Variants in DAPK2 observed in about 807,000 individuals in gnomAD.
DAPK2 encodes the protein death associated protein kinase 2.
DAPK2 carries 35 observed loss-of-function variants against 44.1 expected under a neutral mutation model. The observed-to-expected ratio is 0.79, with a 90% confidence interval of 0.61 to 1.05. The LOEUF (loss-of-function observed/expected upper bound fraction) is 1.05, where lower values mean the gene tolerates loss of function less well. Ranked by LOEUF, DAPK2 falls within the 50% of genes least tolerant of loss-of-function variation. The probability of loss-of-function intolerance (pLI) is 0.00; values close to 1 mark genes in which losing one functional copy is unlikely to be tolerated. For synonymous variants in DAPK2, 174 were observed against 182.6 expected (o/e 0.95, Z 0.38); for missense variants, 453 against 483.2 (o/e 0.94, Z 0.59).
chr15:63,986,481 G>A (rs1421236732), intron 1 of DAPK2, among the ~76,000 whole-genome samples: 1 of 152,146 alleles, frequency 6.6e-6, no homozygotes, highest in Non-Finnish European at 1.5e-5. Context: ...CTGGAGGGCA[G>A]TGGTGTGATC....
At chr15:63,961,568 T>C (rs1295544397) in intron 3 of DAPK2, among the ~76,000 whole-genome samples, 1 of 152,230 alleles carries the variant, frequency 6.6e-6, no homozygotes, top group Non-Finnish European at 1.5e-5. Flanking sequence ...CATTTGTTTG[T>C]CTGTAAAGGA....
chr15:63,958,289 C>T (rs1021896873), intron 3 of DAPK2, among the ~76,000 whole-genome samples: 2 of 149,838 alleles, frequency 1.3e-5, no homozygotes, highest in African/African-American at 4.9e-5. Context: ...AAAATTTTCT[C>T]CCATTCTGCA....
chr15:63,992,414 C>T (rs2078844171), intron 1 of DAPK2, among the ~76,000 whole-genome samples: 1 of 152,244 alleles, frequency 6.6e-6, no homozygotes, highest in African/African-American at 2.4e-5. Context: ...TGTCCACTCA[C>T]CTATCCATCT....
chr15:63,941,752 C>T (rs539172321), intron 3 of DAPK2, among the ~76,000 whole-genome samples: 29 of 152,222 alleles, frequency 1.9e-4, no homozygotes, highest in Admixed American at 3.3e-4. Flanking sequence ...CCCAAGGCAC[C>T]GCAAATTTCC....
rs775441997 is a variant in DAPK2, at chr15:63,929,531, C to G, written c.659+20G>C. On this transcript the variant is annotated intron_variant, in intron 6 of 10. Coordinates refer to ENST00000261891, the Ensembl canonical transcript of DAPK2. ...CCCAGATCTAAGCTGAGCCAGAGCCCCTGGATCAGGGATACTCACAGGATG... is the reference window on the plus strand; with the variant it reads ...CCCAGATCTAAGCTGAGCCAGAGCCGCTGGATCAGGGATACTCACAGGATG... The G allele has an allele frequency of 1.1e-5, 18 of 1,613,600 alleles. No homozygotes were observed. The South Asian group carries it at 1.6e-4, about 15-fold the overall frequency.
chr15:64,010,467 G>T (rs2079360436), intron 1 of DAPK2, among the ~76,000 whole-genome samples: 1 of 152,174 alleles, frequency 6.6e-6, no homozygotes. Flanking sequence ...TATCAGCATA[G>T]GTATAGGCAT....
At chr15:63,922,623 T>C (rs1016207973) in intron 8 of DAPK2, 2 of 1,431,508 alleles carry the variant, frequency 1.4e-6, no homozygotes, top group Middle Eastern at 2.6e-4. Context: ...TGGAAGGCTA[T>C]ACTACAGACA....
At chr15:63,915,736 C>A (rs566450305) in intron 8 of DAPK2, among the ~76,000 whole-genome samples, 16 of 152,336 alleles carry the variant, frequency 1.1e-4, no homozygotes, top group African/African-American at 3.6e-4. Context: ...TAGCTACACA[C>A]AACACCACCA....
chr15:64,018,861 T>C (rs188821130), intron 1 of DAPK2, among the ~76,000 whole-genome samples: 2 of 152,326 alleles, frequency 1.3e-5, no homozygotes, highest in East Asian at 3.9e-4. Flanking sequence ...CCTAGCATGG[T>C]AGAAAGAGCA....
At chr15:63,962,402 G>A (rs1217403471) in intron 3 of DAPK2, among the ~76,000 whole-genome samples, 16 of 152,204 alleles carry the variant, frequency 1.1e-4, no homozygotes, top group African/African-American at 3.4e-4. Context: ...GAGGAGCTGC[G>A]TTCCTTTGGA....
At chr15:63,946,898 A>C (rs1181491266) in intron 3 of DAPK2, among the ~76,000 whole-genome samples, 1 of 152,164 alleles carries the variant, frequency 6.6e-6, no homozygotes, top group Non-Finnish European at 1.5e-5. Flanking sequence ...CAACCTGAGA[A>C]AGGAAGGCCG....
intron 3 of DAPK2, among the ~76,000 whole-genome samples, chr15:63,958,790 T>C (rs1291873843): frequency 6.6e-6 from 1 of 152,256 alleles, no homozygotes; most frequent in African/African-American, 2.4e-5. Flanking sequence ...GGTAGCATGA[T>C]GCCTCCAGCT....
At chr15:63,930,120 G>A (rs747022758) in intron 5 of DAPK2, among the ~76,000 whole-genome samples, 3 of 152,272 alleles carry the variant, frequency 2.0e-5, no homozygotes, top group Middle Eastern at 3.4e-3. Context: ...CCCAGCTGGG[G>A]CAGGCCCACG....
At chr15:63,952,583 A>G (rs1226910094) in intron 3 of DAPK2, among the ~76,000 whole-genome samples, 1 of 152,138 alleles carries the variant, frequency 6.6e-6, no homozygotes, top group Non-Finnish European at 1.5e-5. Flanking sequence ...GAGTGGGTTC[A>G]TTCACCCTAT....
chr15:64,001,436 C>A (rs906695290), intron 1 of DAPK2, among the ~76,000 whole-genome samples: 3 of 152,164 alleles, frequency 2.0e-5, no homozygotes, highest in Non-Finnish European at 4.4e-5. Flanking sequence ...TACATTTTCT[C>A]TCTCCAAAAT....
chr15:63,959,566 G>C (rs536654225), intron 3 of DAPK2, among the ~76,000 whole-genome samples: 1 of 152,152 alleles, frequency 6.6e-6, no homozygotes, highest in African/African-American at 2.4e-5. Context: ...TAGCATGAAG[G>C]GCTGTTGAAT....
exon 11 of DAPK2, chr15:63,907,307 C>A (rs2078686170): frequency 6.6e-6 from 1 of 152,112 alleles, no homozygotes; most frequent in Non-Finnish European, 1.5e-5. Flanking sequence ...CAGTGATATT[C>A]TGTGGTACCA....
chr15:63,969,376 C>T (rs968289350), intron 3 of DAPK2, among the ~76,000 whole-genome samples: 59 of 152,094 alleles, frequency 3.9e-4, no homozygotes, highest in African/African-American at 1.4e-3. Flanking sequence ...GCTGAGATCA[C>T]GCCACTGCAC....
chr15:64,026,434 G>C (rs1399079269), intron 1 of DAPK2, among the ~76,000 whole-genome samples: 2 of 152,004 alleles, frequency 1.3e-5, no homozygotes, highest in African/African-American at 4.8e-5. Flanking sequence ...TGTAGAGTCA[G>C]GGTTTCGCCA....
Sources: gnomAD v4.1 joint callset for allele counts (sites outside exome capture counted in the v4.1 genomes callset) on GRCh38, gnomAD v4.1.1 for gene constraint, MANE v1.5 for transcripts, NCBI Gene and HGNC (gene_info 2026-07-23, HGNC 2026-07-21) for gene names.